The following EEFSEC variants were observed in gnomAD, a reference collection of about 807,000 sequenced individuals.
EEFSEC encodes selenocysteine-specific elongation factor.
EEFSEC carries 43 observed loss-of-function variants against 42.1 expected under a neutral mutation model. The ratio of observed to expected loss-of-function variants is 1.02; its 90% confidence interval spans 0.80 to 1.32. The LOEUF is 1.32. Among genes scored for constraint, EEFSEC ranks in the 40% most tolerant of loss-of-function variants. The pLI is 0.00. For synonymous variants in EEFSEC, 354 were observed against 339.1 expected (o/e 1.04, Z -0.48); for missense variants, 745 against 803.6 (o/e 0.93, Z 0.88).
chr3:128,197,464 G>C (rs991071004), intron 1 of EEFSEC, among the ~76,000 whole-genome samples: 2 of 152,050 alleles, frequency 1.3e-5, no homozygotes, highest in Non-Finnish European at 2.9e-5. Flanking sequence ...GTAGAGACAG[G>C]GTTTCACCAT....
intron 4 of EEFSEC, among the ~76,000 whole-genome samples, chr3:128,320,444 C>G (rs2066994607): frequency 6.6e-6 from 1 of 152,220 alleles, no homozygotes; most frequent in South Asian, 2.1e-4. Flanking sequence ...CGTGGATTAT[C>G]TCAATGTAAC....
At chr3:128,247,213 C>A (rs891216405) in intron 2 of EEFSEC, among the ~76,000 whole-genome samples, 170 bp downstream of exon 2, 2 of 152,150 alleles carry the variant, frequency 1.3e-5, no homozygotes, top group African/African-American at 2.4e-5. Flanking sequence ...GAGGTAAAGG[C>A]TAACGTGTTT....
At chr3:128,344,096 A>G (rs563427983) in intron 5 of EEFSEC, among the ~76,000 whole-genome samples, 25 of 152,268 alleles carry the variant, frequency 1.6e-4, no homozygotes, top group African/African-American at 5.1e-4. Context: ...AGCTCCCCCA[A>G]CTCGCAACCC....
intron 6 of EEFSEC, among the ~76,000 whole-genome samples, chr3:128,374,326 G>A (rs2067686699): frequency 6.6e-6 from 1 of 151,936 alleles, no homozygotes; most frequent in Admixed American, 6.5e-5. Flanking sequence ...GTAGACTTGT[G>A]TAAGCGGACC....
In EEFSEC at chr3:128,264,916, C is replaced by T. The variant is rs918062885; in HGVS notation, c.786+135C>T. On this transcript the variant is annotated intron_variant, in intron 4 of 6. Transcript: ENST00000254730. Reference sequence around the variant, plus strand: ...TCCCACTGCCTGCTCCGCCCCACCTCCCCTCTGGCTGCCTGGCCCCGCCCG... The same window carrying T: ...TCCCACTGCCTGCTCCGCCCCACCTTCCCTCTGGCTGCCTGGCCCCGCCCG... 34 of 1,098,968 alleles carry T rather than the reference C, an allele frequency of 3.1e-5. No homozygotes were observed. The African/African-American group carries it at 5.1e-4, about 16-fold the overall frequency. 68.1% of individuals were successfully genotyped at this position (1,098,968 alleles called of 1,614,324 possible).
intron 5 of EEFSEC, among the ~76,000 whole-genome samples, chr3:128,356,637 A>ATT (rs1391744684): frequency 6.6e-6 from 1 of 152,194 alleles, no homozygotes; most frequent in Non-Finnish European, 1.5e-5. Flanking sequence ...GCATTCATGT[A>ATT]TTTCAGTAGC....
chr3:128,308,333 A>T (rs2066854299), intron 4 of EEFSEC, among the ~76,000 whole-genome samples: 1 of 152,332 alleles, frequency 6.6e-6, no homozygotes, highest in South Asian at 2.1e-4. Context: ...TGTGTGTGCC[A>T]GGCTGGATTG....
At chr3:128,301,794 A>G (rs1348574102) in intron 4 of EEFSEC, among the ~76,000 whole-genome samples, 4 of 152,182 alleles carry the variant, frequency 2.6e-5, no homozygotes, top group Non-Finnish European at 5.9e-5. Flanking sequence ...AGGGACTTAC[A>G]CATGTCGCAA....
At chr3:128,308,837 G>A (rs1316353567) in intron 4 of EEFSEC, among the ~76,000 whole-genome samples, 1 of 152,320 alleles carries the variant, frequency 6.6e-6, no homozygotes, top group East Asian at 1.9e-4. Context: ...TCAAGACACC[G>A]CCCCTGCTGT....
At chr3:128,154,206 C>CT (rs1486176179) in intron 1 of EEFSEC, among the ~76,000 whole-genome samples, 1 of 152,096 alleles carries the variant, frequency 6.6e-6, no homozygotes, top group Non-Finnish European at 1.5e-5. Context: ...GTCATTTGGT[C>CT]TGATTCCCGT....
chr3:128,270,876 C>T (rs1423970738), intron 4 of EEFSEC, among the ~76,000 whole-genome samples: 3 of 152,174 alleles, frequency 2.0e-5, no homozygotes, highest in Non-Finnish European at 4.4e-5. Flanking sequence ...TCTGTGCTGC[C>T]TGCTGCTTGT....
intron 2 of EEFSEC, among the ~76,000 whole-genome samples, chr3:128,259,248 G>T (rs912143929): frequency 6.6e-5 from 10 of 152,118 alleles, no homozygotes; most frequent in African/African-American, 2.2e-4. Context: ...GGAAGGTAAG[G>T]GTGGCTCTTC....
chr3:128,255,769 T>C (rs2066235843), intron 2 of EEFSEC, among the ~76,000 whole-genome samples: 1 of 152,158 alleles, frequency 6.6e-6, no homozygotes, highest in Non-Finnish European at 1.5e-5. Context: ...AAGAGGGCTT[T>C]TGTCCCAAGA....
intron 5 of EEFSEC, among the ~76,000 whole-genome samples, chr3:128,350,411 G>A (rs934895841): frequency 2.4e-4 from 36 of 152,274 alleles, no homozygotes; most frequent in African/African-American, 7.9e-4. Context: ...GCTGGCCCTC[G>A]CTCCCCTGGG....
At chr3:128,179,506 A>G (rs1467077118) in intron 1 of EEFSEC, among the ~76,000 whole-genome samples, 1 of 152,226 alleles carries the variant, frequency 6.6e-6, no homozygotes, top group Admixed American at 6.5e-5. Context: ...TATCAGGGAA[A>G]TGAACCAAAA....
At chr3:128,241,750 G>A (rs569308490) in intron 1 of EEFSEC, among the ~76,000 whole-genome samples, 33 of 152,308 alleles carry the variant, frequency 2.2e-4, no homozygotes, top group African/African-American at 7.2e-4. Flanking sequence ...AGTGAAAACC[G>A]TGGTAACAGC....
At chr3:128,207,436 G>A (rs772192154) in intron 1 of EEFSEC, among the ~76,000 whole-genome samples, 10 of 151,994 alleles carry the variant, frequency 6.6e-5, no homozygotes, top group South Asian at 2.1e-4. Flanking sequence ...ACACCCACTC[G>A]ATTATAAATT....
chr3:128,355,039 A>G (rs537745405), intron 5 of EEFSEC, among the ~76,000 whole-genome samples: 1 of 152,336 alleles, frequency 6.6e-6, no homozygotes, highest in East Asian at 1.9e-4. Flanking sequence ...TCCCAAGGAC[A>G]TATCCACTTG....
chr3:128,207,566 TACACACACAC>T (rs10574435), intron 1 of EEFSEC, among the ~76,000 whole-genome samples: 2,160 of 142,582 alleles, frequency 0.015, 39 homozygotes, highest in Non-Finnish European at 0.018. Flanking sequence ...ACACATTGCA[TACACACACAC>T]ACACACACAC....
Sources: gnomAD v4.1 joint callset for allele counts (sites outside exome capture counted in the v4.1 genomes callset) on GRCh38, gnomAD v4.1.1 for gene constraint, MANE v1.5 for transcripts, NCBI Gene and HGNC (gene_info 2026-07-23, HGNC 2026-07-21) for gene names.